The following PRKAG2 variants were observed in gnomAD, a reference collection of about 807,000 sequenced individuals.
The protein encoded by PRKAG2 is 5'-AMP-activated protein kinase subunit gamma-2.
PRKAG2 carries 26 observed loss-of-function variants against 69.6 expected under a neutral mutation model. The ratio of observed to expected loss-of-function variants is 0.37; its 90% CI spans 0.27 to 0.52. The LOEUF (loss-of-function observed/expected upper bound fraction) is 0.52. Among genes scored for constraint, PRKAG2 ranks in the 20% least tolerant of loss-of-function variants. The pLI is 0.90. For missense variants in PRKAG2, 557 were observed against 740.0 expected (o/e 0.75, Z 2.87); for synonymous variants, 293 against 285.0 (o/e 1.03, Z -0.28).
At chr7:151,605,936 C>CAAAAAAAAAAA (rs560080587) in intron 5 of PRKAG2, among the ~76,000 whole-genome samples, 36 of 91,034 alleles carry the variant, frequency 4.0e-4, no homozygotes, top group African/African-American at 1.3e-3. Context: ...GACTCCGTCT[C>CAAAAAAAAAAA]AAAAAAAAAA....
chr7:151,783,717 C>T (rs1411564956), intron 2 of PRKAG2, among the ~76,000 whole-genome samples: 1 of 151,644 alleles, frequency 6.6e-6, no homozygotes, highest in Non-Finnish European at 1.5e-5. Flanking sequence ...GCTCGACCAG[C>T]CTGGGCAACA....
intron 6 of PRKAG2, among the ~76,000 whole-genome samples, chr7:151,579,947 A>G (rs1809941471): frequency 6.6e-6 from 1 of 152,268 alleles, no homozygotes; most frequent in Non-Finnish European, 1.5e-5. Flanking sequence ...TCTAGGTTAG[A>G]GCATATATCC....
intron 9 of PRKAG2, among the ~76,000 whole-genome samples, chr7:151,571,181 C>T (rs1807473411): frequency 6.6e-6 from 1 of 151,794 alleles, no homozygotes; most frequent in Non-Finnish European, 1.5e-5. Context: ...AGGCGAGTCT[C>T]CTGCCTCAGC....
intron 1 of PRKAG2, among the ~76,000 whole-genome samples, chr7:151,855,957 C>T (rs1586731600): frequency 6.6e-6 from 1 of 152,212 alleles, no homozygotes; most frequent in South Asian, 2.1e-4. Flanking sequence ...ACAGTAGCCA[C>T]AGGAAGATAA....
At chr7:151,873,280 G>A (rs1455849145) in intron 1 of PRKAG2, among the ~76,000 whole-genome samples, 1 of 152,134 alleles carries the variant, frequency 6.6e-6, no homozygotes, top group Non-Finnish European at 1.5e-5. Flanking sequence ...CCACTTCTAC[G>A]TGACTCCTGC....
intron 4 of PRKAG2, among the ~76,000 whole-genome samples, chr7:151,633,738 G>T (rs1376267386): frequency 6.6e-6 from 1 of 152,168 alleles, no homozygotes; most frequent in Non-Finnish European, 1.5e-5. Flanking sequence ...ACAAACTGTA[G>T]ATGAAAGACG....
chr7:151,581,209 G>A (rs929743603), intron 6 of PRKAG2, among the ~76,000 whole-genome samples: 7 of 152,122 alleles, frequency 4.6e-5, no homozygotes, highest in African/African-American at 7.2e-5. Context: ...AGTGAAAAAC[G>A]CATAGCAAAA....
chr7:151,774,092 T>G (rs567884762), intron 3 of PRKAG2, among the ~76,000 whole-genome samples: 1 of 152,296 alleles, frequency 6.6e-6, no homozygotes, highest in Admixed American at 6.5e-5. Flanking sequence ...GGCATTGTTT[T>G]GGTTGGGGTG....
At chr7:151,558,440 G>A (rs376045335) in intron 15 of PRKAG2, 9 of 985,302 alleles carry the variant, frequency 9.1e-6, no homozygotes, top group Admixed American at 1.2e-4. Flanking sequence ...GGAGGGAGAC[G>A]GGCCTGTATC....
At chr7:151,749,076 G>C (rs771651091) in intron 3 of PRKAG2, among the ~76,000 whole-genome samples, 7 of 152,244 alleles carry the variant, frequency 4.6e-5, no homozygotes, top group Non-Finnish European at 8.8e-5. Context: ...TCTCCAGAGA[G>C]GAGATGCTCA....
At chr7:151,698,186 G>A (rs1391921288) in intron 3 of PRKAG2, among the ~76,000 whole-genome samples, 3 of 152,168 alleles carry the variant, frequency 2.0e-5, no homozygotes, top group East Asian at 1.9e-4. Flanking sequence ...GCCAGCTTGG[G>A]GAACTAGGGG....
chr7:151,631,637 C>G (rs1450075800), intron 5 of PRKAG2: 1 of 455,302 alleles, frequency 2.2e-6, no homozygotes. Flanking sequence ...ACACACCCTA[C>G]CGGTCATATC....
chr7:151,671,515 A>G (rs891555246), intron 4 of PRKAG2, among the ~76,000 whole-genome samples: 1 of 152,220 alleles, frequency 6.6e-6, no homozygotes, highest in African/African-American at 2.4e-5. Flanking sequence ...ACTTGAAACT[A>G]CCACCCACCC....
At chr7:151,801,987 A>T (rs1453391642) in intron 1 of PRKAG2, among the ~76,000 whole-genome samples, 1 of 152,210 alleles carries the variant, frequency 6.6e-6, no homozygotes, top group Admixed American at 6.5e-5. Context: ...TCCTGTGTGC[A>T]GGATGGAGTC....
At chr7:151,633,306 A>C (rs919011300) in intron 4 of PRKAG2, 1 of 152,210 alleles carries the variant, frequency 6.6e-6, no homozygotes, top group Non-Finnish European at 1.5e-5. Flanking sequence ...AGCAGATACC[A>C]TACTTCATAG....
chr7:151,856,058 G>T (rs1232235408), intron 1 of PRKAG2, among the ~76,000 whole-genome samples: 1 of 152,212 alleles, frequency 6.6e-6, no homozygotes, highest in Non-Finnish European at 1.5e-5. Flanking sequence ...TGCCCTTGGG[G>T]TTTCTCCAGC....
intron 4 of PRKAG2, among the ~76,000 whole-genome samples, chr7:151,670,435 A>C (rs1250188945): frequency 6.6e-6 from 1 of 152,144 alleles, no homozygotes; most frequent in Admixed American, 6.5e-5. Context: ...TTCACACTGC[A>C]TCTCGTCTGG....
chr7:151,617,953 T>TA (rs1180673625), intron 5 of PRKAG2, among the ~76,000 whole-genome samples: 3 of 152,186 alleles, frequency 2.0e-5, no homozygotes, highest in East Asian at 1.9e-4. Flanking sequence ...AGAAAACTGT[T>TA]AAAAAATATC....
chr7:151,679,140 G>C (rs1453709956), intron 3 of PRKAG2, among the ~76,000 whole-genome samples: 3 of 152,068 alleles, frequency 2.0e-5, no homozygotes, highest in Non-Finnish European at 2.9e-5. Flanking sequence ...ACCACAAAAG[G>C]GCTGCCGGCC....
Sources: allele counts gnomAD v4.1 joint callset (sites outside exome capture counted in the v4.1 genomes callset), GRCh38; gene constraint gnomAD v4.1.1; transcripts MANE v1.5; gene names NCBI Gene and HGNC (gene_info 2026-07-23, HGNC 2026-07-21).